SPAG16: variants seen among roughly 807,000 people sequenced by gnomAD.
SPAG16 encodes the protein sperm-associated antigen 16 protein.
A neutral mutation model predicts 80.4 loss-of-function variants in SPAG16; 86 were observed. That is an observed-to-expected ratio of 1.07 (90% CI 0.90 to 1.28). The LOEUF (loss-of-function observed/expected upper bound fraction) is 1.28. Among genes scored for constraint, SPAG16 ranks in the 50% most tolerant of loss-of-function variants. The pLI is 0.00. For synonymous variants in SPAG16, 294 were observed against 265.9 expected (o/e 1.11, Z -1.03); for missense variants, 870 against 765.3 (o/e 1.14, Z -1.61).
At chr2:214,318,357 A>C (rs1186103795) in intron 15 of SPAG16, among the ~76,000 whole-genome samples, 1 of 149,966 alleles carries the variant, frequency 6.7e-6, no homozygotes, top group African/African-American at 2.4e-5. Context: ...CTTGAATAAA[A>C]GAGTGAGAGT....
intron 10 of SPAG16, among the ~76,000 whole-genome samples, chr2:213,572,813 A>C (rs1275379048): frequency 2.6e-5 from 4 of 152,108 alleles, no homozygotes; most frequent in African/African-American, 9.7e-5. Flanking sequence ...AAGCCTGGGC[A>C]ATGGCGGGCG....
At chr2:214,408,862 C>T (rs1361436135) in intron 15 of SPAG16, among the ~76,000 whole-genome samples, 1 of 152,072 alleles carries the variant, frequency 6.6e-6, no homozygotes, top group Non-Finnish European at 1.5e-5. Context: ...CTTCGCCTTT[C>T]CAAGCCTCTA....
At chr2:213,751,377 C>T (rs1248791552) in intron 10 of SPAG16, among the ~76,000 whole-genome samples, 1 of 152,108 alleles carries the variant, frequency 6.6e-6, no homozygotes, top group Admixed American at 6.6e-5. Context: ...ACCTAGTGTT[C>T]AATATTAGAA....
At chr2:214,180,685 T>A (rs922505719) in intron 15 of SPAG16, among the ~76,000 whole-genome samples, 1 of 151,658 alleles carries the variant, frequency 6.6e-6, no homozygotes, top group Non-Finnish European at 1.5e-5. Context: ...ATACTTGGAG[T>A]TAAGACACCT....
intron 11 of SPAG16, among the ~76,000 whole-genome samples, chr2:213,868,104 A>G (rs1169230660): frequency 2.6e-5 from 4 of 152,088 alleles, no homozygotes; most frequent in Admixed American, 1.3e-4. Flanking sequence ...ATTCATACCC[A>G]GTAAATGATT....
intron 9 of SPAG16, chr2:213,396,691 A>G (rs1180032657): frequency 2.2e-6 from 1 of 454,394 alleles, no homozygotes; most frequent in African/African-American, 2.0e-5. Context: ...CACATCGACT[A>G]AGACTGCCCA....
At chr2:213,422,206 CT>C in intron 9 of SPAG16, 1 of 701,466 alleles carries the variant, frequency 1.4e-6, no homozygotes, top group Non-Finnish European at 2.6e-6. Context: ...CGAGCCAGTG[CT>C]GTGACACCCT....
intron 10 of SPAG16, among the ~76,000 whole-genome samples, chr2:213,691,088 C>G (rs540685777): frequency 6.6e-5 from 10 of 152,290 alleles, no homozygotes; most frequent in South Asian, 4.1e-4. Context: ...TTAATACTAT[C>G]ACACTGGCAA....
rs566686799 is a variant in SPAG16, at chr2:213,817,106, G to T, written c.1071-45379G>T. Among the ~76,000 whole-genome samples, 315 of 151,302 alleles carry T rather than the reference G, an allele frequency of 2.1e-3. 1 individual carries two copies. Among genetic ancestry groups the T allele is most frequent in the Middle Eastern group, 3.5e-3 (1 of 288 alleles). On this transcript the variant is annotated intron_variant, in intron 10 of 15. Transcript: ENST00000331683. Reference sequence around the variant, plus strand: ...TTTATTTAATAGGTAAAATTACACAGTACACTATAATAATAGTTATATAAT... The same window carrying T: ...TTTATTTAATAGGTAAAATTACACATTACACTATAATAATAGTTATATAAT...
Position 214,273,221 on chromosome 2 carries a change from A to T in SPAG16, c.1720+123955A>T, listed in dbSNP as rs191402376. Among the ~76,000 whole-genome samples, 223 of 151,882 alleles carry T rather than the reference A, an allele frequency of 1.5e-3. 4 individuals carry two copies. Among genetic ancestry groups the T allele is most frequent in the Admixed American group, 0.01 (160 of 15,268 alleles). On this transcript the variant is annotated intron_variant, in intron 15 of 15. Transcript: ENST00000331683. The stretch of plus-strand genomic sequence containing the variant: ...TTTGTCCGATGGGTAGATCGCAAAA[A>T]TTTTCTCCCATTCTGTAGGTTGCCT...
intron 15 of SPAG16, among the ~76,000 whole-genome samples, chr2:214,177,373 G>A (rs566366916): frequency 3.0e-4 from 45 of 151,170 alleles, no homozygotes; most frequent in East Asian, 1.9e-4. Flanking sequence ...ACTTAATGGT[G>A]ACAGTTCCAT....
intron 11 of SPAG16, among the ~76,000 whole-genome samples, chr2:213,903,527 C>T (rs536397130): frequency 3.3e-5 from 5 of 152,282 alleles, no homozygotes; most frequent in Non-Finnish European, 7.4e-5. Context: ...AGTCCCTAGA[C>T]TGCAAACAGC....
intron 11 of SPAG16, among the ~76,000 whole-genome samples, chr2:213,890,025 A>T (rs2076727892): frequency 6.6e-6 from 1 of 152,046 alleles, no homozygotes; most frequent in Non-Finnish European, 1.5e-5. Flanking sequence ...AAATATTGAG[A>T]TCATAAAGTA....
intron 12 of SPAG16, among the ~76,000 whole-genome samples, chr2:213,992,699 A>G (rs1394013024): frequency 6.6e-6 from 1 of 152,188 alleles, no homozygotes; most frequent in Non-Finnish European, 1.5e-5. Context: ...ATTTAGCTGA[A>G]CAAAATACAT....
At chr2:214,003,954 A>C (rs1399486655) in intron 12 of SPAG16, among the ~76,000 whole-genome samples, 1 of 152,216 alleles carries the variant, frequency 6.6e-6, no homozygotes, top group Non-Finnish European at 1.5e-5. Context: ...GAAGCATGAA[A>C]AACATGGCAA....
At chr2:214,250,749 T>G (rs1439460477) in intron 15 of SPAG16, among the ~76,000 whole-genome samples, 1,515 of 92,540 alleles carry the variant, frequency 0.016, 14 homozygotes, top group Non-Finnish European at 0.025. Context: ...TATATATATA[T>G]ATATATATAG....
intron 14 of SPAG16, among the ~76,000 whole-genome samples, chr2:214,112,917 C>T (rs937850091): frequency 2.6e-5 from 4 of 152,080 alleles, no homozygotes; most frequent in Non-Finnish European, 5.9e-5. Flanking sequence ...TTCATATCAT[C>T]GATGGTCTTT....
intron 15 of SPAG16, among the ~76,000 whole-genome samples, chr2:214,264,294 A>T (rs1467257154): frequency 1.3e-5 from 2 of 152,194 alleles, no homozygotes; most frequent in Non-Finnish European, 2.9e-5. Flanking sequence ...AAGTGCTGTC[A>T]CGACTGCATC....
At chr2:213,407,692 AAGAG>A (rs541595413) in intron 9 of SPAG16, among the ~76,000 whole-genome samples, 24 of 139,648 alleles carry the variant, frequency 1.7e-4, no homozygotes, top group African/African-American at 2.4e-4. Flanking sequence ...AGAGAGACAG[AAGAG>A]AGAGAGAGAG....
Sources: allele counts gnomAD v4.1 joint callset (sites outside exome capture counted in the v4.1 genomes callset), GRCh38; gene constraint gnomAD v4.1.1; transcripts MANE v1.5; gene names NCBI Gene and HGNC (gene_info 2026-07-23, HGNC 2026-07-21).